PROS1: variants seen among roughly 807,000 people sequenced by gnomAD.
The protein encoded by PROS1 is vitamin K-dependent protein S.
A neutral mutation model predicts 75.9 loss-of-function variants in PROS1; 29 were observed. The ratio of observed to expected loss-of-function variants is 0.38; its 90% CI spans 0.28 to 0.52. PROS1 has a LOEUF of 0.52. Ranked by LOEUF, PROS1 falls within the 20% of genes least tolerant of loss-of-function variation. PROS1 has a pLI of 0.83. For synonymous variants in PROS1, 245 were observed against 280.6 expected (o/e 0.87, Z 1.27); for missense variants, 680 against 810.3 (o/e 0.84, Z 1.95).
At chr3:93,884,707 G>C (rs1348949370) in intron 12 of PROS1, 21 bp downstream of exon 12, 6 of 1,598,038 alleles carry the variant, frequency 3.8e-6, no homozygotes, top group Non-Finnish European at 5.1e-6. Context: ...AGAAAATAGA[G>C]ATAAATGGAA....
At chr3:93,896,853 C>T (rs1708508867) in intron 8 of PROS1, among the ~76,000 whole-genome samples, 162 bp from the exon 9 acceptor site, 1 of 152,128 alleles carries the variant, frequency 6.6e-6, no homozygotes. Context: ...TACATATCTT[C>T]CATTTCCTTG....
intron 1 of PROS1, among the ~76,000 whole-genome samples, chr3:93,940,084 G>A (rs983833513): frequency 2.3e-4 from 35 of 152,356 alleles, no homozygotes; most frequent in Admixed American, 1.4e-3. Flanking sequence ...TTCAAGTGCC[G>A]GAAATCTGGC....
chr3:93,933,865 T>A (rs1201340805), intron 1 of PROS1, among the ~76,000 whole-genome samples: 1 of 152,046 alleles, frequency 6.6e-6, no homozygotes, highest in African/African-American at 2.4e-5. Flanking sequence ...AAAAATTAGC[T>A]GGGCACGGTG....
At chr3:93,962,919 T>C (rs189235392) in intron 1 of PROS1, among the ~76,000 whole-genome samples, 77 of 152,360 alleles carry the variant, frequency 5.1e-4, no homozygotes, top group African/African-American at 1.6e-3. Flanking sequence ...TATGATCTAT[T>C]TACCACAGGA....
chr3:93,877,362 T>A lies in PROS1; in HGVS notation c.1645-171A>T, dbSNP rs1708206841. On this transcript the variant is annotated intron_variant, in intron 13 of 14. Coordinates refer to ENST00000394236, the MANE Select transcript of PROS1 (RefSeq NM_000313.4). ...CACTAATTATTATAAGACTAATTTA[T>A]AATAATTATGACTAAAATTTAAAAT... 3.3e-5 allele frequency among the ~76,000 whole-genome samples: 5 copies of A among 152,318 alleles called. No homozygotes were observed. In the South Asian group the frequency reaches 1.0e-3, roughly 32 times the overall value.
In PROS1 at chr3:93,896,594, C is replaced by T. The variant is rs747259055; in HGVS notation, c.947G>A (p.Arg316His). Reference sequence around the variant, plus strand: ...TCCTCACCTGCTGATTTCTGGCAAACGAAATTTTAAATATAAAACAACCCC... The same window carrying T: ...TCCTCACCTGCTGATTTCTGGCAAATGAAATTTTAAATATAAAACAACCCC... ...FAGVVLYLKF[R>H]LPEISRFSAE... Residue 316 changes from arginine (R) to histidine (H), a missense_variant, in exon 9 of 15, where the codon CGT becomes CAT. Coordinates refer to ENST00000394236, the MANE Select transcript of PROS1 (RefSeq NM_000313.4). The T allele has an allele frequency of 2.9e-5, 46 of 1,611,984 alleles. No individual in the cohort carries two copies. The highest frequency in any genetic ancestry group is 1.9e-4 in the African/African-American group (14 of 74,786).
At chr3:93,886,052 A>G (rs545162079) in intron 11 of PROS1, among the ~76,000 whole-genome samples, 1 of 152,326 alleles carries the variant, frequency 6.6e-6, no homozygotes, top group South Asian at 2.1e-4. Context: ...ACTAATGTTA[A>G]CATTAGTGTT....
intron 6 of PROS1, among the ~76,000 whole-genome samples, chr3:93,905,302 G>A (rs1268675487): frequency 6.6e-6 from 1 of 152,132 alleles, no homozygotes; most frequent in African/African-American, 2.4e-5. Context: ...TAAAAATTGT[G>A]TTATCAGTAC....
intron 1 of PROS1, among the ~76,000 whole-genome samples, chr3:93,960,557 T>G (rs1709691332): frequency 6.9e-6 from 1 of 144,712 alleles, no homozygotes; most frequent in Non-Finnish European, 1.5e-5. Flanking sequence ...TTTTTTTTTT[T>G]TTTTTGCAGG....
intron 12 of PROS1, among the ~76,000 whole-genome samples, chr3:93,880,543 A>G (rs1708261912): frequency 6.6e-6 from 1 of 152,186 alleles, no homozygotes; most frequent in Admixed American, 6.5e-5. Context: ...TCATTGTGAA[A>G]TAAGTAATTT....
intron 1 of PROS1, among the ~76,000 whole-genome samples, chr3:93,966,635 T>C (rs1453395248): frequency 6.6e-6 from 1 of 152,038 alleles, no homozygotes; most frequent in Non-Finnish European, 1.5e-5. Context: ...TCCCAGCACT[T>C]TGGGAGGCCA....
chr3:93,893,170 G>T, intron 9 of PROS1, 48 bp from the exon 10 acceptor site: 1 of 1,486,484 alleles, frequency 6.7e-7, no homozygotes, highest in Non-Finnish European at 9.3e-7. Flanking sequence ...AATACAGAAA[G>T]CTCAATGCAT....
At chr3:93,897,874 G>A (rs2107157159) in intron 8 of PROS1, among the ~76,000 whole-genome samples, 1 of 152,120 alleles carries the variant, frequency 6.6e-6, no homozygotes, top group East Asian at 1.9e-4. Context: ...TTAAATCTAA[G>A]TAATTAAAAG....
chr3:93,931,842 C>T (rs1241799819), intron 1 of PROS1, among the ~76,000 whole-genome samples: 1 of 152,230 alleles, frequency 6.6e-6, no homozygotes, highest in Non-Finnish European at 1.5e-5. Context: ...TCATACTCTG[C>T]TCTTGCACAA....
chr3:93,898,347 C>T, intron 8 of PROS1, 101 bp downstream of exon 8: 2 of 1,360,880 alleles, frequency 1.5e-6, no homozygotes, highest in South Asian at 1.2e-5. Context: ...GCAATTATTG[C>T]AGAACGTCTG....
At chr3:93,942,186 T>C (rs534941480) in intron 1 of PROS1, among the ~76,000 whole-genome samples, 5 of 152,260 alleles carry the variant, frequency 3.3e-5, no homozygotes, top group African/African-American at 7.2e-5. Context: ...ACATCTATCA[T>C]TGAGGCTACC....
chr3:93,961,276 G>A (rs1709702381), intron 1 of PROS1, among the ~76,000 whole-genome samples: 1 of 152,178 alleles, frequency 6.6e-6, no homozygotes, highest in Non-Finnish European at 1.5e-5. Context: ...GAAGAGATAA[G>A]GCTGGAATCC....
chr3:93,879,947 C>T lies in PROS1; in HGVS notation c.1493-633G>A, dbSNP rs180977279. ...TAGGAGGTATATATCTCTATCATTG[C>T]TTTGTTTTCCCCAGCACTCACTCAA... On this transcript the variant is annotated intron_variant, in intron 12 of 14. Coordinates refer to ENST00000394236, the MANE Select transcript of PROS1 (RefSeq NM_000313.4). 3.8e-4 allele frequency among the ~76,000 whole-genome samples: 58 copies of T among 152,268 alleles called. 1 individual carries two copies. The East Asian group carries it at 8.7e-3, about 23-fold the overall frequency.
rs753269101 is a variant in PROS1, at chr3:93,896,681, A to C, written c.860T>G (p.Val287Gly). The change falls in exon 9 of 15, where the codon GTG becomes GGG. Residue 287 changes from valine to glycine, a missense_variant. Val to Gly is a moderately radical substitution (Grantham distance 109). Coordinates refer to ENST00000394236, the MANE Select transcript of PROS1 (RefSeq NM_000313.4). ...QDQKSCEVVS[V>G]CLPLNLDTKY... is the part of the protein sequence containing the mutation. The stretch of plus-strand genomic sequence containing the variant: ...TGTGTCAAGGTTCAAGGGAAGGCAC[A>C]CTGAAACAACCTGGAATAAAAGAAA... 3 of 1,610,054 alleles carry C rather than the reference A, an allele frequency of 1.9e-6. No individual in the cohort carries two copies. Among genetic ancestry groups the C allele is most frequent in the Non-Finnish European group, 2.6e-6 (3 of 1,176,364 alleles).
Sources: gnomAD v4.1 joint callset for allele counts (sites outside exome capture counted in the v4.1 genomes callset) on GRCh38, gnomAD v4.1.1 for gene constraint, MANE v1.5 for transcripts, NCBI Gene and HGNC (gene_info 2026-07-23, HGNC 2026-07-21) for gene names.